The following RNF6 variants were observed in gnomAD, a reference collection of about 807,000 sequenced individuals.
RNF6 encodes E3 ubiquitin-protein ligase RNF6.
RNF6 carries 21 observed loss-of-function variants against 50.1 expected under a neutral mutation model. The ratio of observed to expected loss-of-function variants is 0.42; its 90% CI spans 0.30 to 0.60. RNF6 has a LOEUF of 0.60. Among genes scored for constraint, RNF6 ranks in the 20% least tolerant of loss-of-function variants. The pLI is 0.20. For synonymous variants in RNF6, 255 were observed against 291.8 expected (o/e 0.87, Z 1.29); for missense variants, 698 against 838.2 (o/e 0.83, Z 2.07).
chr13:26,139,739 T>C lies in RNF6; in HGVS notation n.769-7288A>G, dbSNP rs377462405. On this transcript the variant is annotated intron_variant and non_coding_transcript_variant, in intron 5 of 5. Coordinates refer to the RNF6 transcript ENST00000468480. ...GCTGTCTTTTAATAAAGTTTTATTA[T>C]ATTCTTTATGAAGGACTTGCAAATA... 5.2e-5 allele frequency among the ~76,000 whole-genome samples: 8 copies of C among 152,384 alleles called. No homozygotes were observed. The East Asian group carries it at 1.3e-3, about 26-fold the overall frequency.
chr13:26,193,257 C>T (rs1456010492), intron 5 of RNF6, among the ~76,000 whole-genome samples: 1 of 151,692 alleles, frequency 6.6e-6, no homozygotes, highest in African/African-American at 2.4e-5. Flanking sequence ...ATAATTAAGG[C>T]AGTTAGTGTA....
intron 5 of RNF6, among the ~76,000 whole-genome samples, chr13:26,207,687 C>T (rs1027126340): frequency 1.3e-5 from 2 of 152,180 alleles, no homozygotes; most frequent in African/African-American, 4.8e-5. Context: ...CATCTCCAAG[C>T]CCTCCTATTC....
chr13:26,212,050 G>A (rs1350610876), downstream of RNF6, among the ~76,000 whole-genome samples: 1 of 152,048 alleles, frequency 6.6e-6, no homozygotes, highest in Non-Finnish European at 1.5e-5. Flanking sequence ...GTAGATAAGT[G>A]ATGACAACTG....
chr13:26,179,155 C>G (rs1447871541), intron 5 of RNF6, among the ~76,000 whole-genome samples: 1 of 152,072 alleles, frequency 6.6e-6, no homozygotes. Context: ...ACCCAGCTGC[C>G]AGAGTTCTGT....
chr13:26,161,221 T>C (rs1872198594), intron 5 of RNF6, among the ~76,000 whole-genome samples: 1 of 152,238 alleles, frequency 6.6e-6, no homozygotes, highest in East Asian at 1.9e-4. Flanking sequence ...ACTAGTTGAA[T>C]TGCTGCAACT....
In RNF6 at chr13:26,212,794, G is replaced by A. The variant is rs1869389930; in HGVS notation, c.*1030C>T. ...ACAGTCTTTGTTTTAATGTTTATTG[G>A]TAGAAACAGATCTTCAATGCATACT... On this transcript the variant is annotated 3_prime_UTR_variant, in exon 5 of 5. Transcript: ENST00000381588. The A allele has an allele frequency of 1.3e-5, 2 of 151,772 alleles. No individual in the cohort carries two copies. The highest frequency in any genetic ancestry group is 4.2e-4 in the South Asian group (2 of 4,776). The allele number at this position is 151,772 out of a possible 1,614,324, so 9.4% of individuals were successfully genotyped here. A position where few individuals can be genotyped will look rare whatever the true frequency, so the allele number is the denominator to read the frequency against.
chr13:26,181,545 T>A (rs1873245284), intron 5 of RNF6, among the ~76,000 whole-genome samples: 1 of 152,140 alleles, frequency 6.6e-6, no homozygotes, highest in Non-Finnish European at 1.5e-5. Context: ...ACGTCCAGTC[T>A]CAGTCAAAAG....
Position 26,214,509 on chromosome 13 carries a change from C to T in RNF6, c.1373G>A (p.Ser458Asn). The T allele has an allele frequency of 6.2e-7, 1 of 1,614,180 alleles. No individual in the cohort carries two copies. The highest frequency in any genetic ancestry group is 8.5e-7 in the Non-Finnish European group (1 of 1,180,046). Reference sequence around the variant, plus strand: ...CCTACGAAGAGGAACTGTTATGGTACTAACATAGGTTCGAATACCTGACCG... The same window carrying T: ...CCTACGAAGAGGAACTGTTATGGTATTAACATAGGTTCGAATACCTGACCG... ...LERSGIRTYVSTITVPLRRIS... is the reference protein window; with the variant it reads ...LERSGIRTYVNTITVPLRRIS... The change falls in exon 5 of 5, where the codon AGT becomes AAT. Residue 458 changes from serine to asparagine, a missense_variant. Physicochemically the swap from Ser to Asn is conservative, Grantham distance 46. Coordinates refer to ENST00000381588, the MANE Select transcript of RNF6 (RefSeq NM_005977.4).
chr13:26,218,419 T>C (rs974105684), intron 4 of RNF6, 92 bp downstream of exon 4: 9 of 955,340 alleles, frequency 9.4e-6, no homozygotes, highest in South Asian at 2.8e-5. Flanking sequence ...CTGGAAAAAA[T>C]TGAAGACAAA....
Position 26,212,992 on chromosome 13 carries a change from T to C in RNF6, c.*832A>G, listed in dbSNP as rs1243590666. On this transcript the variant is annotated 3_prime_UTR_variant, in exon 5 of 5. Transcript: ENST00000381588. ...GCATACTGTATACCTTATTTAATAA[T>C]CCAAAGAATTGTTTGCACTTTCAAA... 6.6e-6 allele frequency: 1 copy of C among 152,544 alleles called. No individual in the cohort carries two copies. Among genetic ancestry groups the C allele is most frequent in the Non-Finnish European group, 1.5e-5 (1 of 67,996 alleles). The allele number at this position is 152,544 out of a possible 1,614,324, so 9.4% of individuals were successfully genotyped here. A position where few individuals can be genotyped will look rare whatever the true frequency, so the allele number is the denominator to read the frequency against.
chr13:26,207,437 A>G (rs577091559), intron 5 of RNF6, among the ~76,000 whole-genome samples: 1 of 152,338 alleles, frequency 6.6e-6, no homozygotes, highest in South Asian at 2.1e-4. Context: ...AATTGGAAAC[A>G]GAATATGAGA....
Position 26,218,201 on chromosome 13 carries a change from A to G in RNF6, c.289+310T>C, listed in dbSNP as rs1870094056. On this transcript the variant is annotated intron_variant, in intron 4 of 4. Coordinates refer to ENST00000381588, the MANE Select transcript of RNF6 (RefSeq NM_005977.4). ...TATATAAATTTTTAGAAGCTAAGTA[A>G]TATCACTTTAGAAAAAGTAATGTGT... Among the ~76,000 whole-genome samples the G allele has an allele frequency of 3.9e-5, 6 of 152,358 alleles. No homozygotes were observed. In the South Asian group the frequency reaches 1.2e-3, roughly 32 times the overall value.
intron 5 of RNF6, among the ~76,000 whole-genome samples, chr13:26,193,566 G>A (rs1868544394): frequency 6.6e-6 from 1 of 152,186 alleles, no homozygotes; most frequent in Non-Finnish European, 1.5e-5. Flanking sequence ...CAAGACCTGG[G>A]GGAGAGAGAA....
At chr13:26,217,033 C>T (rs778718151) in intron 4 of RNF6, among the ~76,000 whole-genome samples, 4 of 152,158 alleles carry the variant, frequency 2.6e-5, no homozygotes, top group Non-Finnish European at 4.4e-5. Context: ...CAATCTCTCT[C>T]GTAAGACTTT....
intron 5 of RNF6, among the ~76,000 whole-genome samples, chr13:26,157,711 G>A (rs1872000843): frequency 6.6e-6 from 1 of 152,170 alleles, no homozygotes; most frequent in South Asian, 2.1e-4. Flanking sequence ...TCCAGCATCA[G>A]TGAGGACATG....
At chr13:26,163,691 T>C (rs1488999805) in intron 5 of RNF6, among the ~76,000 whole-genome samples, 1 of 152,220 alleles carries the variant, frequency 6.6e-6, no homozygotes, top group Non-Finnish European at 1.5e-5. Flanking sequence ...CTAGGTAATC[T>C]GAGATCCCTC....
At chr13:26,173,844 G>A (rs186089733) in intron 5 of RNF6, among the ~76,000 whole-genome samples, 6 of 151,556 alleles carry the variant, frequency 4.0e-5, no homozygotes, top group East Asian at 1.9e-4. Context: ...CTAGCTACTC[G>A]GGAGGCTGAG....
chr13:26,221,505 G>A (rs1318309496), intron 1 of RNF6, 175 bp from the exon 2 acceptor site: 3 of 152,168 alleles, frequency 2.0e-5, no homozygotes, highest in African/African-American at 7.2e-5. Context: ...CCTCCCGCAA[G>A]GCCCCTACCT....
intron 5 of RNF6, among the ~76,000 whole-genome samples, chr13:26,184,466 AG>A (rs1873422173): frequency 6.6e-6 from 1 of 152,226 alleles, no homozygotes; most frequent in Non-Finnish European, 1.5e-5. Flanking sequence ...TTTTTGCTCT[AG>A]AAGTCTCTAA....
Sources: allele counts gnomAD v4.1 joint callset (sites outside exome capture counted in the v4.1 genomes callset), GRCh38; gene constraint gnomAD v4.1.1; transcripts MANE v1.5; gene names NCBI Gene and HGNC (gene_info 2026-07-23, HGNC 2026-07-21).